The following AGO3 variants were observed in gnomAD, a reference collection of about 807,000 sequenced individuals.
AGO3 encodes the protein protein argonaute-3.
A neutral mutation model predicts 105.5 loss-of-function variants in AGO3; 16 were observed. The observed-to-expected ratio is 0.15, with a 90% confidence interval of 0.10 to 0.23. The LOEUF is 0.23. Ranked by LOEUF, AGO3 falls within the 10% of genes least tolerant of loss-of-function variation. The pLI is 1.00. For synonymous variants in AGO3, 340 were observed against 367.3 expected (o/e 0.93, Z 0.85); for missense variants, 534 against 1,088.0 (o/e 0.49, Z 7.16).
chr1:35,944,096 G>A (rs572484266), intron 1 of AGO3, among the ~76,000 whole-genome samples: 2 of 152,206 alleles, frequency 1.3e-5, no homozygotes, highest in African/African-American at 4.8e-5. Context: ...TCTTTTGAGT[G>A]TATACCCAGA....
rs72661624 is a variant in AGO3 at position 35,934,339 on chromosome 1, G to A, written c.19+2894G>A. Among the ~76,000 whole-genome samples, 1,031 of 152,310 alleles carry A rather than the reference G, an allele frequency of 6.8e-3. 9 individuals carry two copies. Among genetic ancestry groups the A allele is most frequent in the Non-Finnish European group, 0.011 (746 of 68,016 alleles). ...ACCTTAAATTAATGACATGCAAATT[G>A]TTTGATGTTTGGTGGAAGTTTTATA... On this transcript the variant is annotated intron_variant, in intron 1 of 18. Coordinates refer to ENST00000373191, the MANE Select transcript of AGO3 (RefSeq NM_024852.4).
chr1:35,949,807 G>A (rs1646436253), intron 2 of AGO3, among the ~76,000 whole-genome samples: 1 of 152,048 alleles, frequency 6.6e-6, no homozygotes, highest in African/African-American at 2.4e-5. Flanking sequence ...TTTATTTGCA[G>A]GAGACGAGTT....
intron 11 of AGO3, among the ~76,000 whole-genome samples, chr1:36,019,038 A>G (rs1641070695): frequency 6.6e-6 from 1 of 152,094 alleles, no homozygotes; most frequent in Non-Finnish European, 1.5e-5. Context: ...CCCAAGCTTC[A>G]GGGTCCTGAA....
At chr1:35,948,889 A>G (rs985960897) in intron 2 of AGO3, among the ~76,000 whole-genome samples, 3 of 151,694 alleles carry the variant, frequency 2.0e-5, no homozygotes, top group African/African-American at 7.3e-5. Flanking sequence ...TTGTGATGTA[A>G]AATTTTAGTC....
rs367794528 is a variant in AGO3, at chr1:36,008,347, T to G, written c.794-343T>G. Among the ~76,000 whole-genome samples, 23 of 152,326 alleles carry G rather than the reference T, an allele frequency of 1.5e-4. No individual in the cohort carries two copies. Among genetic ancestry groups the G allele is most frequent in the African/African-American group, 5.5e-4 (23 of 41,580 alleles). On this transcript the variant is annotated intron_variant, in intron 6 of 18. Transcript: ENST00000373191. This position sits in a 1 kb window ranked among gnomAD's most constrained non-coding sequence, Gnocchi z 5.1. ...ATTATTGGATCTCCTCTTTCATTCC[T>G]CCTTCCCTCTCCCAGCATAAATACC...
chr1:36,014,967 G>T (rs766833637), intron 11 of AGO3, among the ~76,000 whole-genome samples: 2 of 152,028 alleles, frequency 1.3e-5, no homozygotes, highest in Non-Finnish European at 1.5e-5. Context: ...ATGTGGGGAG[G>T]GTTTCCCCAC....
intron 5 of AGO3, among the ~76,000 whole-genome samples, chr1:35,998,242 T>C (rs1639930225): frequency 6.6e-6 from 1 of 152,174 alleles, no homozygotes; most frequent in South Asian, 2.1e-4. Context: ...TTAATTTTAA[T>C]TATATGAGTA....
chr1:35,941,332 A>G (rs1646250619), intron 1 of AGO3, among the ~76,000 whole-genome samples: 1 of 152,036 alleles, frequency 6.6e-6, no homozygotes, highest in African/African-American at 2.4e-5. Flanking sequence ...AGACAGCCAC[A>G]TAGTCTGCTG....
chr1:35,960,362 C>T (rs1049012250), intron 2 of AGO3, among the ~76,000 whole-genome samples: 3 of 152,116 alleles, frequency 2.0e-5, no homozygotes, highest in African/African-American at 7.2e-5. Flanking sequence ...TGCCCATATT[C>T]CCAGTTACTC....
At chr1:35,939,740 T>A (rs1238948356) in intron 1 of AGO3, among the ~76,000 whole-genome samples, 4 of 152,182 alleles carry the variant, frequency 2.6e-5, no homozygotes, top group Non-Finnish European at 5.9e-5. Flanking sequence ...GCCATTTCTC[T>A]CTTTTTTATG....
intron 3 of AGO3, among the ~76,000 whole-genome samples, chr1:35,967,952 T>G (rs1429455325): frequency 1.3e-5 from 2 of 152,198 alleles, no homozygotes; most frequent in East Asian, 3.8e-4. Flanking sequence ...TTTTTTATCC[T>G]TCATGACAGT....
intron 2 of AGO3, among the ~76,000 whole-genome samples, chr1:35,965,056 A>AT (rs1646747827): frequency 6.6e-6 from 1 of 151,340 alleles, no homozygotes; most frequent in Non-Finnish European, 1.5e-5. Context: ...AGTCTCCTCC[A>AT]TTTTGATCCT....
rs960095217 is a variant in AGO3, at chr1:36,070,701, A to G, written c.*14956A>G. On this transcript the variant is annotated 3_prime_UTR_variant, in exon 19 of 19. Transcript: ENST00000373191. ...AAAGCTGGCATCTGCATTAATTTCAATGAGAATTTCAAGTACTGAAGATGA... is the reference window on the plus strand; with the variant it reads ...AAAGCTGGCATCTGCATTAATTTCAGTGAGAATTTCAAGTACTGAAGATGA... The G allele has an allele frequency of 6.6e-6, 1 of 152,238 alleles. No individual in the cohort carries two copies. The highest frequency in any genetic ancestry group is 2.4e-5 in the African/African-American group (1 of 41,454). The allele number at this position is 152,238 out of a possible 1,614,324, so 9.4% of individuals were successfully genotyped here. A position where few individuals can be genotyped will look rare whatever the true frequency, so the allele number is the denominator to read the frequency against.
chr1:35,988,426 A>G (rs183607642), intron 5 of AGO3, among the ~76,000 whole-genome samples: 1 of 152,086 alleles, frequency 6.6e-6, no homozygotes, highest in Admixed American at 6.6e-5. Flanking sequence ...GCTTTGACCA[A>G]CATCTCACCA....
chr1:35,964,190 A>G (rs537852447), intron 2 of AGO3, among the ~76,000 whole-genome samples: 34 of 152,216 alleles, frequency 2.2e-4, no homozygotes, highest in African/African-American at 7.9e-4. Context: ...TTTGTTATAT[A>G]GGTAAATTTG....
rs981267005 is a variant in AGO3 at position 36,061,836 on chromosome 1, A to G, written c.*6091A>G. On this transcript the variant is annotated 3_prime_UTR_variant, in exon 19 of 19. Coordinates refer to ENST00000373191, the MANE Select transcript of AGO3 (RefSeq NM_024852.4). ...TAGCACGAAGCTAAGAATTTTAAAG[A>G]TAAATTATTTTAGAACTCCAAGAGT... 6 of 152,196 alleles carry G rather than the reference A, an allele frequency of 3.9e-5. No individual in the cohort carries two copies. The highest frequency in any genetic ancestry group is 8.8e-5 in the Non-Finnish European group (6 of 68,034). The allele number at this position is 152,196 out of a possible 1,614,324, so 9.4% of individuals were successfully genotyped here.
intron 5 of AGO3, among the ~76,000 whole-genome samples, chr1:35,992,510 T>C (rs775792644): frequency 2.0e-4 from 31 of 152,212 alleles, no homozygotes; most frequent in Non-Finnish European, 4.1e-4. Flanking sequence ...GTTTGTACCT[T>C]AAATTTTTTT....
chr1:35,962,617 G>A (rs1646699072), intron 2 of AGO3, among the ~76,000 whole-genome samples: 1 of 151,728 alleles, frequency 6.6e-6, no homozygotes, highest in African/African-American at 2.4e-5. Context: ...CACTGGGACA[G>A]TATAGAGAAC....
rs1474187867 is a variant in AGO3 at position 36,008,758 on chromosome 1, A to C, written c.862A>C (p.Arg288=). 6.2e-7 allele frequency: 1 copy of C among 1,614,162 alleles called. No homozygotes were observed. The highest frequency in any genetic ancestry group is 1.1e-5 in the South Asian group (1 of 91,082). ...ATACCGTGTTTGTAATGTAACAAGG[A>C]GGCCTGCCAGTCATCAAACGTAAGA... is the stretch of plus-strand genomic sequence containing the variant. ...RKYRVCNVTR[R]PASHQTFPLQ... Residue 288 remains arginine, a synonymous_variant, in exon 7 of 19, where the codon AGG becomes CGG. Coordinates refer to ENST00000373191, the MANE Select transcript of AGO3 (RefSeq NM_024852.4). This position sits in a 1 kb window ranked among gnomAD's most constrained non-coding sequence, Gnocchi z 5.1.
Sources: gnomAD v4.1 joint callset for allele counts (sites outside exome capture counted in the v4.1 genomes callset) on GRCh38, gnomAD v4.1.1 for gene constraint, Gnocchi (gnomAD v3.1) non-coding constraint, MANE v1.5 for transcripts, NCBI Gene and HGNC (gene_info 2026-07-23, HGNC 2026-07-21) for gene names.